Variants in RBFOX1 observed in about 807,000 individuals in gnomAD.
RBFOX1 encodes the protein RNA binding protein fox-1 homolog 1.
RBFOX1 carries 8 observed loss-of-function variants against 57.7 expected under a neutral mutation model. That is an observed-to-expected ratio of 0.14 (90% CI 0.08 to 0.25). The LOEUF is 0.25. Ranked by LOEUF, RBFOX1 falls within the 10% of genes least tolerant of loss-of-function variation. RBFOX1 has a pLI of 1.00. For missense variants in RBFOX1, 611 were observed against 548.5 expected (o/e 1.11, Z -1.14); for synonymous variants, 326 against 222.4 (o/e 1.47, Z -4.15).
intron 2 of RBFOX1, among the ~76,000 whole-genome samples, chr16:6,462,451 C>G (rs371919929): frequency 5.3e-5 from 8 of 152,322 alleles, no homozygotes; most frequent in African/African-American, 1.9e-4. Flanking sequence ...TACATATCTG[C>G]ATAGTATTCC....
chr16:7,304,580 G>A, intron 4 of RBFOX1: 17 of 985,382 alleles, frequency 1.7e-5, no homozygotes, highest in Non-Finnish European at 2.0e-5. Context: ...CCTTATGTAG[G>A]TTCTGAGGAG....
chr16:5,395,094 A>T (rs79828652), intron 1 of RBFOX1, among the ~76,000 whole-genome samples: 8,136 of 152,224 alleles, frequency 0.053, 289 homozygotes, highest in East Asian at 0.11. Context: ...TGGTTTGCCA[A>T]GCATGGTTCG....
At chr16:6,511,621 G>A (rs2096256625) in intron 2 of RBFOX1, among the ~76,000 whole-genome samples, 2 of 152,180 alleles carry the variant, frequency 1.3e-5, no homozygotes, top group African/African-American at 2.4e-5. Flanking sequence ...GTTAGAATGA[G>A]CGCCAAAGAG....
Position 7,350,994 on chromosome 16 carries a change from G to A in RBFOX1, c.28-167153G>A, listed in dbSNP as rs2097120693. On this transcript the variant is annotated intron_variant, in intron 4 of 15. Coordinates refer to ENST00000550418, the MANE Select transcript of RBFOX1 (RefSeq NM_018723.4). The stretch of plus-strand genomic sequence containing the variant: ...CTTTATTAAGTCTGGCTCTATCAAA[G>A]CTGTAAGCAACATATGGTGTGCCAT... 3.9e-5 allele frequency among the ~76,000 whole-genome samples: 6 copies of A among 152,234 alleles called. No homozygotes were observed. The South Asian group carries it at 1.2e-3, about 32-fold the overall frequency.
At chr16:6,198,743 A>G (rs970002914) in intron 1 of RBFOX1, among the ~76,000 whole-genome samples, 8 of 152,194 alleles carry the variant, frequency 5.3e-5, no homozygotes, top group Admixed American at 1.3e-4. Flanking sequence ...ACCCTTGCTG[A>G]AATATAGAAT....
intron 2 of RBFOX1, among the ~76,000 whole-genome samples, chr16:6,329,346 G>A (rs1358249891): frequency 6.6e-6 from 1 of 152,166 alleles, no homozygotes; most frequent in Non-Finnish European, 1.5e-5. Flanking sequence ...CTACAGATGA[G>A]AAAACTGGAA....
chr16:7,574,641 G>C (rs1237501227), intron 5 of RBFOX1, among the ~76,000 whole-genome samples: 1 of 152,172 alleles, frequency 6.6e-6, no homozygotes, highest in Non-Finnish European at 1.5e-5. Context: ...TCCTAGGCGT[G>C]TTGGCAGGTG....
intron 3 of RBFOX1, among the ~76,000 whole-genome samples, chr16:5,640,043 C>T (rs950779415): frequency 1.3e-5 from 2 of 152,260 alleles, no homozygotes; most frequent in South Asian, 4.1e-4. Context: ...TGATAAGGAT[C>T]TTGTGGCTCA....
At chr16:5,408,477 G>A (rs116910110) in intron 1 of RBFOX1, among the ~76,000 whole-genome samples, 1 of 152,264 alleles carries the variant, frequency 6.6e-6, no homozygotes, top group Non-Finnish European at 1.5e-5. Flanking sequence ...GCTGGGAGTG[G>A]GTTCTCACAC....
At chr16:7,710,216 C>G (rs1377656853) in intron 15 of RBFOX1, 4 of 1,038,954 alleles carry the variant, frequency 3.9e-6, no homozygotes, top group Non-Finnish European at 4.6e-6. Flanking sequence ...CATCCCAATT[C>G]TGCATTCAAC....
intron 4 of RBFOX1, among the ~76,000 whole-genome samples, chr16:7,376,784 C>A (rs1238514034): frequency 6.6e-6 from 1 of 152,162 alleles, no homozygotes. Flanking sequence ...AAACTGAGTT[C>A]ATCTTGGCTG....
chr16:5,385,434 C>T lies in RBFOX1; in HGVS notation c.220-81782C>T, dbSNP rs561119611. On this transcript the variant is annotated intron_variant, in intron 1 of 2. Coordinates refer to the RBFOX1 transcript ENST00000585867. ...TCCACCCTTAGTGTATCTTTTGGGA[C>T]ATGAAACATGCACTTTGAGCAGAGA... Among the ~76,000 whole-genome samples the T allele has an allele frequency of 2.0e-4, 30 of 152,282 alleles. No homozygotes were observed. The South Asian group carries it at 3.7e-3, about 19-fold the overall frequency.
At chr16:6,315,308 G>T (rs539189442) in intron 1 of RBFOX1, among the ~76,000 whole-genome samples, 1 of 151,270 alleles carries the variant, frequency 6.6e-6, no homozygotes, top group African/African-American at 2.4e-5. Context: ...GTTAAATGGG[G>T]GACAGATGGA....
intron 3 of RBFOX1, among the ~76,000 whole-genome samples, chr16:7,014,466 C>T (rs1313183307): frequency 2.0e-5 from 3 of 151,400 alleles, no homozygotes; most frequent in African/African-American, 7.3e-5. Context: ...AGGCTGATCT[C>T]GAACTCCTGA....
chr16:7,536,999 C>T (rs1361319804), intron 5 of RBFOX1, among the ~76,000 whole-genome samples: 2 of 152,132 alleles, frequency 1.3e-5, no homozygotes, highest in Non-Finnish European at 1.5e-5. Flanking sequence ...AACAGGTGAG[C>T]AAGAAACACT....
At chr16:6,148,318 C>G (rs1034033388) in intron 1 of RBFOX1, among the ~76,000 whole-genome samples, 32 of 152,222 alleles carry the variant, frequency 2.1e-4, no homozygotes, top group African/African-American at 7.7e-4. Flanking sequence ...CGGAGTGAGA[C>G]TCCGTCTCAA....
At chr16:6,491,830 C>A (rs1040183495) in intron 2 of RBFOX1, among the ~76,000 whole-genome samples, 1 of 151,902 alleles carries the variant, frequency 6.6e-6, no homozygotes, top group Non-Finnish European at 1.5e-5. Flanking sequence ...TTTTTTTGGC[C>A]CAAAGCTATA....
chr16:7,414,467 C>A (rs1294801072), intron 4 of RBFOX1, among the ~76,000 whole-genome samples: 1 of 152,122 alleles, frequency 6.6e-6, no homozygotes, highest in Non-Finnish European at 1.5e-5. Flanking sequence ...CTAATGTGAG[C>A]CACAGAATTT....
intron 3 of RBFOX1, among the ~76,000 whole-genome samples, chr16:5,862,030 T>C (rs1485120833): frequency 2.6e-5 from 4 of 152,214 alleles, no homozygotes; most frequent in Admixed American, 2.6e-4. Context: ...GGCCATTCTC[T>C]GTGTCTGGCC....
Sources: gnomAD v4.1 joint callset for allele counts (sites outside exome capture counted in the v4.1 genomes callset) on GRCh38, gnomAD v4.1.1 for gene constraint, MANE v1.5 for transcripts, NCBI Gene and HGNC (gene_info 2026-07-23, HGNC 2026-07-21) for gene names.